The following MCCC1 variants were observed in gnomAD, a reference collection of about 807,000 sequenced individuals.
MCCC1 encodes the protein methylcrotonoyl-CoA carboxylase subunit alpha, mitochondrial.
A neutral mutation model predicts 83.8 loss-of-function variants in MCCC1; 64 were observed. The ratio of observed to expected loss-of-function variants is 0.76; its 90% CI spans 0.62 to 0.94. MCCC1 has a LOEUF of 0.94. Among genes scored for constraint, MCCC1 ranks in the 40% least tolerant of loss-of-function variants. The pLI is 0.00. For synonymous variants in MCCC1, 322 were observed against 315.4 expected (o/e 1.02, Z -0.22); for missense variants, 807 against 904.7 (o/e 0.89, Z 1.39).
At chr3:183,071,780 C>T (rs1716714801) in intron 5 of MCCC1, among the ~76,000 whole-genome samples, 1 of 151,658 alleles carries the variant, frequency 6.6e-6, no homozygotes, top group African/African-American at 2.4e-5. Flanking sequence ...TACTTCACTA[C>T]AGCCTTAAAC....
chr3:183,031,206 G>A (rs1713038294), intron 14 of MCCC1, among the ~76,000 whole-genome samples: 1 of 152,136 alleles, frequency 6.6e-6, no homozygotes, highest in South Asian at 2.1e-4. Flanking sequence ...ACAGAGATTA[G>A]TAATTTATAA....
chr3:183,044,939 T>C (rs994739513), intron 10 of MCCC1, among the ~76,000 whole-genome samples: 2 of 149,856 alleles, frequency 1.3e-5, no homozygotes, highest in Admixed American at 1.3e-4. Context: ...TGTTGTTGAA[T>C]TATAGATTCA....
intron 3 of MCCC1, among the ~76,000 whole-genome samples, chr3:183,091,985 G>A (rs1278542888): frequency 6.6e-6 from 1 of 151,894 alleles, no homozygotes; most frequent in African/African-American, 2.4e-5. Flanking sequence ...CTGAGAGGCG[G>A]AGCTTGCAGT....
chr3:183,099,188 C>G, intron 1 of MCCC1, 164 bp downstream of exon 1: 2 of 741,606 alleles, frequency 2.7e-6, no homozygotes, highest in Non-Finnish European at 4.5e-6. Context: ...ATGTCTTCCT[C>G]CCGACGCCGT....
intron 1 of MCCC1, among the ~76,000 whole-genome samples, chr3:183,112,938 A>T (rs573815329): frequency 1.8e-4 from 27 of 151,780 alleles, no homozygotes; most frequent in South Asian, 8.3e-4. Context: ...AAATAAAAAA[A>T]AAATTGGCCG....
At chr3:183,104,033 A>G (rs6443852), upstream of MCCC1, among the ~76,000 whole-genome samples, 152,228 of 152,232 alleles carry the variant, frequency 1, 76,112 homozygotes, top group Middle Eastern at 1. Flanking sequence ...CCGGCCGGCT[A>G]CTCCGAGTGC....
chr3:183,051,679 T>C (rs1357731039), intron 9 of MCCC1, among the ~76,000 whole-genome samples: 1 of 151,588 alleles, frequency 6.6e-6, no homozygotes, highest in Non-Finnish European at 1.5e-5. Flanking sequence ...TGGGTGATAA[T>C]GATGTGTCAA....
chr3:183,040,727 C>A (rs1443372918), intron 11 of MCCC1, among the ~76,000 whole-genome samples: 1 of 151,790 alleles, frequency 6.6e-6, no homozygotes, highest in Non-Finnish European at 1.5e-5. Context: ...GTCTCAAAAA[C>A]AAAAACAAAC....
chr3:183,094,221 G>T (rs1174063779), intron 2 of MCCC1, among the ~76,000 whole-genome samples: 2 of 151,628 alleles, frequency 1.3e-5, no homozygotes, highest in African/African-American at 2.4e-5. Flanking sequence ...GCTAATTTTT[G>T]TATTTTTTAG....
intron 12 of MCCC1, 76 bp downstream of exon 12, chr3:183,038,950 C>T: frequency 3.8e-6 from 5 of 1,305,246 alleles, no homozygotes; most frequent in Non-Finnish European, 5.6e-6. Flanking sequence ...AGACCAAGGC[C>T]CTGCCAAAGA....
chr3:183,112,613 T>C lies in MCCC1; in HGVS notation c.-102+2861A>G, dbSNP rs191863220. On this transcript the variant is annotated intron_variant, in intron 1 of 17. Transcript: ENST00000492597. ...AATAATTATCAACTCACGATTAACCTTTTTCATCTATATCCCACCTATCAC... is the reference window on the plus strand; with the variant it reads ...AATAATTATCAACTCACGATTAACCCTTTTCATCTATATCCCACCTATCAC... Among the ~76,000 whole-genome samples, 787 of 152,342 alleles carry C rather than the reference T, an allele frequency of 5.2e-3. 17 individuals carry two copies. Among genetic ancestry groups the C allele is most frequent in the Admixed American group, 0.042 (640 of 15,300 alleles).
At chr3:183,070,154 TGTAA>T (rs1438162480) in intron 7 of MCCC1, among the ~76,000 whole-genome samples, 2 of 152,250 alleles carry the variant, frequency 1.3e-5, no homozygotes, top group Non-Finnish European at 2.9e-5. Context: ...GTAAGTGCAA[TGTAA>T]GTGTTAGCTC....
At chr3:183,067,370 G>A (rs1716332352) in intron 7 of MCCC1, among the ~76,000 whole-genome samples, 2 of 152,136 alleles carry the variant, frequency 1.3e-5, no homozygotes, top group African/African-American at 2.4e-5. Context: ...CATTCCTTAT[G>A]GAAGAGTTAT....
chr3:183,107,738 G>A (rs1022878028), intron 1 of MCCC1, among the ~76,000 whole-genome samples: 26 of 151,846 alleles, frequency 1.7e-4, no homozygotes, highest in African/African-American at 4.6e-4. Flanking sequence ...TTGTAGAAAC[G>A]GAGGTTTCAC....
chr3:183,041,813 C>A, intron 10 of MCCC1, 63 bp from the exon 11 acceptor site: 1 of 1,577,810 alleles, frequency 6.3e-7, no homozygotes, highest in South Asian at 1.1e-5. Flanking sequence ...CTTAGTAAAT[C>A]AATGGTCTTG....
At chr3:183,066,203 C>T (rs2108518489) in intron 7 of MCCC1, among the ~76,000 whole-genome samples, 1 of 152,230 alleles carries the variant, frequency 6.6e-6, no homozygotes, top group African/African-American at 2.4e-5. Context: ...CAGAGGTAAC[C>T]AAATTTCTTT....
intron 1 of MCCC1, among the ~76,000 whole-genome samples, chr3:183,110,260 C>T (rs1342727169): frequency 6.6e-6 from 1 of 152,072 alleles, no homozygotes; most frequent in Non-Finnish European, 1.5e-5. Context: ...TAGGTCCTAC[C>T]TGTCGATGTT....
chr3:183,034,627 C>A (rs933832363), intron 13 of MCCC1, among the ~76,000 whole-genome samples: 3 of 152,080 alleles, frequency 2.0e-5, no homozygotes, highest in Non-Finnish European at 4.4e-5. Flanking sequence ...AAACTCTAAT[C>A]CCATAGTGGC....
At chr3:183,034,985 C>A (rs1417311952) in intron 13 of MCCC1, among the ~76,000 whole-genome samples, 2 of 152,048 alleles carry the variant, frequency 1.3e-5, no homozygotes, top group African/African-American at 4.8e-5. Context: ...ACCATGTTGG[C>A]CAGGCTGGTC....
Sources: gnomAD v4.1 joint callset for allele counts (sites outside exome capture counted in the v4.1 genomes callset) on GRCh38, gnomAD v4.1.1 for gene constraint, MANE v1.5 for transcripts, NCBI Gene and HGNC (gene_info 2026-07-23, HGNC 2026-07-21) for gene names.